The following OR6N1 variants were observed in gnomAD, a reference collection of about 807,000 sequenced individuals.
OR6N1 encodes olfactory receptor 6N1.
For missense variants in OR6N1, 394 were observed against 371.7 expected (o/e 1.06, Z -0.49); for synonymous variants, 170 against 150.7 (o/e 1.13, Z -0.94).
chr1:158,815,177 T>C, the OR6N1 span, among the ~76,000 whole-genome samples: 2 of 152,174 alleles, frequency 1.3e-5, no homozygotes, highest in Non-Finnish European at 2.9e-5. Context: ...GGAAGGGTGC[T>C]TAATCTCTGT....
the OR6N1 span, among the ~76,000 whole-genome samples, chr1:158,820,006 A>T: frequency 6.6e-6 from 1 of 152,224 alleles, no homozygotes. Context: ...ACAGAGATTT[A>T]CCCACATATT....
At chr1:158,825,821 T>TTCATATGTTCATCGCAGCAC in the OR6N1 span, among the ~76,000 whole-genome samples, 2 of 152,194 alleles carry the variant, frequency 1.3e-5, no homozygotes, top group African/African-American at 4.8e-5. Context: ...AAGGCATGCA[T>TTCATATGTTCATCGCAGCAC]TCATATGTTC....
the OR6N1 span, among the ~76,000 whole-genome samples, chr1:158,815,746 T>C: frequency 6.6e-6 from 1 of 152,230 alleles, no homozygotes; most frequent in Non-Finnish European, 1.5e-5. Context: ...ATAATAATTA[T>C]TTAACCCTCA....
At chr1:158,830,934 C>T in the OR6N1 span, among the ~76,000 whole-genome samples, 2 of 152,094 alleles carry the variant, frequency 1.3e-5, no homozygotes, top group African/African-American at 4.8e-5. Flanking sequence ...TCACAGTAGA[C>T]CCACCCCTAT....
chr1:158,806,153 G>A, the OR6N1 span, among the ~76,000 whole-genome samples: 827 of 152,274 alleles, frequency 5.4e-3, 5 homozygotes, highest in African/African-American at 0.019. Context: ...GAAGTGAGGT[G>A]CAGAAGGAGA....
upstream of OR6N1, among the ~76,000 whole-genome samples, chr1:158,772,946 C>T (rs1657460692): frequency 1.3e-5 from 2 of 152,008 alleles, no homozygotes; most frequent in African/African-American, 2.4e-5. Context: ...CAAAACATCA[C>T]ATATATAATT....
chr1:158,787,577 A>G, the OR6N1 span, among the ~76,000 whole-genome samples: 2 of 151,072 alleles, frequency 1.3e-5, no homozygotes, highest in South Asian at 2.1e-4. Context: ...AAACCATTAC[A>G]TGTATATACT....
the OR6N1 span, among the ~76,000 whole-genome samples, chr1:158,819,027 G>A: frequency 6.6e-6 from 1 of 152,162 alleles, no homozygotes; most frequent in Non-Finnish European, 1.5e-5. Flanking sequence ...TTGAGCTGGG[G>A]AAGCTGGGGG....
the OR6N1 span, among the ~76,000 whole-genome samples, chr1:158,784,149 C>T: frequency 6.6e-6 from 1 of 152,076 alleles, no homozygotes. Context: ...CTCCACCCCT[C>T]TCCACCCACA....
chr1:158,839,730 G>T, the OR6N1 span, among the ~76,000 whole-genome samples: 1 of 152,142 alleles, frequency 6.6e-6, no homozygotes, highest in East Asian at 1.9e-4. Flanking sequence ...AAAACACCTA[G>T]AAGTTTTCCA....
At chr1:158,768,632 G>A (rs1345756078) in intron 1 of OR6N1, among the ~76,000 whole-genome samples, 1 of 152,106 alleles carries the variant, frequency 6.6e-6, no homozygotes, top group Non-Finnish European at 1.5e-5. Flanking sequence ...CGTTTCCATC[G>A]ATCAAATGTG....
chr1:158,770,073 C>A (rs1657387259), intron 1 of OR6N1, among the ~76,000 whole-genome samples: 1 of 152,188 alleles, frequency 6.6e-6, no homozygotes, highest in Non-Finnish European at 1.5e-5. Context: ...CCTTTTCTGG[C>A]CTCCAGTCCC....
chr1:158,806,609 G>A, the OR6N1 span, among the ~76,000 whole-genome samples: 3 of 152,174 alleles, frequency 2.0e-5, no homozygotes, highest in Middle Eastern at 3.4e-3. Flanking sequence ...GCACTATACT[G>A]TCCTGATTCT....
At chr1:158,772,595 G>A (rs191827416), upstream of OR6N1, among the ~76,000 whole-genome samples, 2 of 152,258 alleles carry the variant, frequency 1.3e-5, no homozygotes, top group East Asian at 3.9e-4. Flanking sequence ...GTGAGGACAG[G>A]GAGACACTGG....
the OR6N1 span, among the ~76,000 whole-genome samples, chr1:158,838,553 T>C: frequency 6.6e-6 from 1 of 152,136 alleles, no homozygotes; most frequent in East Asian, 1.9e-4. Flanking sequence ...TAATAATGTG[T>C]CATAGTGTAA....
At chr1:158,808,464 G>T in the OR6N1 span, 1 of 153,026 alleles carries the variant, frequency 6.5e-6, no homozygotes, top group Non-Finnish European at 1.5e-5. Context: ...TCCTTGTTGC[G>T]AAGGCTATAG....
At chr1:158,786,855 G>C in the OR6N1 span, among the ~76,000 whole-genome samples, 1 of 152,106 alleles carries the variant, frequency 6.6e-6, no homozygotes, top group Non-Finnish European at 1.5e-5. Context: ...AAAAGGTGAG[G>C]AGGATGAGAA....
the OR6N1 span, among the ~76,000 whole-genome samples, chr1:158,782,630 G>T: frequency 1.3e-5 from 2 of 152,132 alleles, no homozygotes; most frequent in African/African-American, 4.8e-5. Context: ...AGCTTGCTCT[G>T]GATTTGGTCC....
chr1:158,833,035 C>T, the OR6N1 span, among the ~76,000 whole-genome samples: 1 of 152,080 alleles, frequency 6.6e-6, no homozygotes, highest in Non-Finnish European at 1.5e-5. Context: ...AGACAAGCCC[C>T]TTAGCAAACT....
Sources: gnomAD v4.1 joint callset for allele counts (sites outside exome capture counted in the v4.1 genomes callset) on GRCh38, gnomAD v4.1.1 for gene constraint, MANE v1.5 for transcripts, NCBI Gene and HGNC (gene_info 2026-07-23, HGNC 2026-07-21) for gene names.